The following UTRN variants were observed in gnomAD, a reference collection of about 807,000 sequenced individuals.
UTRN encodes the protein utrophin.
A neutral mutation model predicts 463.9 loss-of-function variants in UTRN; 283 were observed. That is an observed-to-expected ratio of 0.61 (90% confidence interval 0.55 to 0.67). The LOEUF (loss-of-function observed/expected upper bound fraction) is 0.67. Ranked by LOEUF, UTRN falls within the 30% of genes least tolerant of loss-of-function variation. The pLI, the probability that UTRN is intolerant of heterozygous loss-of-function variation, is 0.00. For missense variants in UTRN, 3,922 were observed against 4,084.3 expected, an observed-to-expected ratio of 0.96 and a Z score of 1.08; for synonymous variants, 1,442 against 1,431.5, an observed-to-expected ratio of 1.01 and a Z score of -0.17.
At position 144,748,511 on chromosome 6, in the gene UTRN, C is replaced by A; in HGVS notation, c.8205C>A (p.Ile2735=). 6.2e-7 allele frequency: 1 copy of A among 1,611,326 alleles called. No individual in the cohort carries two copies. The highest frequency in any genetic ancestry group is 8.5e-7 in the Non-Finnish European group (1 of 1,179,102). Residue 2735 remains isoleucine (I), a synonymous_variant, in exon 55 of 75, where the codon ATC becomes ATA. Coordinates refer to ENST00000367545, the MANE Select transcript of UTRN (RefSeq NM_007124.3). ...IDSLQDHIEK[I]MAFREEIAPI... ...CGCTGCAGGATCACATTGAAAAAAT[C>A]ATGGTCAGCATCATTGTCTTTGAAG...
chr6:144,620,299 G>A (rs1485255575), intron 51 of UTRN, among the ~76,000 whole-genome samples: 1 of 152,010 alleles, frequency 6.6e-6, no homozygotes, highest in East Asian at 1.9e-4. Context: ...GCTCCAGAGC[G>A]GGTTCCTTTA....
At chr6:144,804,164 CAGAA>C (rs1286071467) in intron 65 of UTRN, among the ~76,000 whole-genome samples, 2 of 152,048 alleles carry the variant, frequency 1.3e-5, no homozygotes, top group African/African-American at 4.8e-5. Context: ...CATAAATTGA[CAGAA>C]AGGCTGTAAT....
At chr6:144,364,360 CCT>C (rs1026756099) in intron 2 of UTRN, among the ~76,000 whole-genome samples, 15 of 152,058 alleles carry the variant, frequency 9.9e-5, no homozygotes, top group African/African-American at 3.4e-4. Flanking sequence ...TATGTTTCCC[CCT>C]GAGAGGTAAA....
chr6:144,515,076 G>GT (rs560288750), intron 37 of UTRN, among the ~76,000 whole-genome samples: 16 of 151,834 alleles, frequency 1.1e-4, no homozygotes, highest in African/African-American at 2.4e-4. Context: ...TAATTTTTGT[G>GT]TTTTTTTTAG....
chr6:144,459,056 T>C, intron 20 of UTRN, 45 bp downstream of exon 20: 1 of 1,571,122 alleles, frequency 6.4e-7, no homozygotes, highest in Non-Finnish European at 8.6e-7. Context: ...CTATGTGCAG[T>C]TCCAGAGTTA....
intron 3 of UTRN, among the ~76,000 whole-genome samples, chr6:144,417,805 T>G (rs1269311312): frequency 6.6e-6 from 1 of 152,194 alleles, no homozygotes; most frequent in Non-Finnish European, 1.5e-5. Flanking sequence ...TAGTTAATTG[T>G]TTTTGAATGA....
At chr6:144,829,636 T>G (rs1780488860) in intron 69 of UTRN, among the ~76,000 whole-genome samples, 2 of 151,904 alleles carry the variant, frequency 1.3e-5, no homozygotes, top group Non-Finnish European at 2.9e-5. Flanking sequence ...AAAGCTCTAT[T>G]GTGGTTTGGA....
intron 46 of UTRN, among the ~76,000 whole-genome samples, chr6:144,543,706 T>G (rs929463200): frequency 1.3e-5 from 2 of 152,138 alleles, no homozygotes; most frequent in African/African-American, 2.4e-5. Context: ...CTCTTTTTTT[T>G]GGGAGGGTTC....
intron 52 of UTRN, among the ~76,000 whole-genome samples, chr6:144,684,086 G>A (rs1315237556): frequency 3.0e-5 from 4 of 135,254 alleles, no homozygotes; most frequent in Non-Finnish European, 6.2e-5. Context: ...GTCTTGCTCT[G>A]TCGCCCAGGC....
intron 51 of UTRN, among the ~76,000 whole-genome samples, chr6:144,611,292 T>C (rs1261307328): frequency 2.0e-5 from 3 of 152,198 alleles, no homozygotes; most frequent in Admixed American, 1.3e-4. Flanking sequence ...AAGCTTTTCC[T>C]CTAAGATCAG....
chr6:144,387,429 A>G lies in UTRN; in HGVS notation c.80-15694A>G, dbSNP rs193033462. On this transcript the variant is annotated intron_variant, in intron 2 of 74. Transcript: ENST00000367545. ...GCTGAGATTACAGGCATGAGCCACCATGCCCGGCCTTCTTCCCATTTTAAT... is the reference window on the plus strand; with the variant it reads ...GCTGAGATTACAGGCATGAGCCACCGTGCCCGGCCTTCTTCCCATTTTAAT... Among the ~76,000 whole-genome samples, 511 of 152,282 alleles carry G rather than the reference A, an allele frequency of 3.4e-3. 3 individuals are homozygous for G. The highest frequency in any genetic ancestry group is 0.014 in the Middle Eastern group (4 of 294).
chr6:144,603,553 G>A (rs1461892908), intron 51 of UTRN, among the ~76,000 whole-genome samples: 1 of 151,986 alleles, frequency 6.6e-6, no homozygotes, highest in African/African-American at 2.4e-5. Context: ...GGTGGTATAC[G>A]TGTGTTTGAT....
chr6:144,443,725 G>A (rs1455191430), intron 13 of UTRN, among the ~76,000 whole-genome samples: 2 of 151,732 alleles, frequency 1.3e-5, no homozygotes, highest in Admixed American at 6.6e-5. Flanking sequence ...TTTTTTTATG[G>A]ATCACATAAT....
intron 2 of UTRN, among the ~76,000 whole-genome samples, chr6:144,321,463 T>A (rs1346044896): frequency 9.5e-6 from 1 of 104,948 alleles, no homozygotes; most frequent in Non-Finnish European, 1.7e-5. Context: ...TGCCATATCT[T>A]TTTTTTTTTT....
intron 39 of UTRN, among the ~76,000 whole-genome samples, chr6:144,519,072 C>T (rs1162676945): frequency 7.2e-5 from 11 of 152,100 alleles, no homozygotes; most frequent in Non-Finnish European, 8.8e-5. Flanking sequence ...GACTCATTGT[C>T]TTACCTGAAA....
intron 65 of UTRN, among the ~76,000 whole-genome samples, chr6:144,816,945 A>G (rs1182987815): frequency 6.6e-6 from 1 of 152,108 alleles, no homozygotes; most frequent in Non-Finnish European, 1.5e-5. Flanking sequence ...TAATCAGTAC[A>G]TTATTTAAAA....
chr6:144,506,378 T>C (rs1794692663), intron 34 of UTRN, among the ~76,000 whole-genome samples: 1 of 152,234 alleles, frequency 6.6e-6, no homozygotes, highest in Non-Finnish European at 1.5e-5. Flanking sequence ...TATTTTGGTA[T>C]GTTTTTGCAG....
intron 51 of UTRN, among the ~76,000 whole-genome samples, chr6:144,593,233 A>G (rs1803297356): frequency 6.6e-6 from 1 of 152,224 alleles, no homozygotes; most frequent in Admixed American, 6.5e-5. Flanking sequence ...AGAATGAAGC[A>G]ATGAAAGCAC....
At chr6:144,513,580 C>A (rs1285421917) in intron 35 of UTRN, among the ~76,000 whole-genome samples, 1 of 151,948 alleles carries the variant, frequency 6.6e-6, no homozygotes, top group Non-Finnish European at 1.5e-5. Flanking sequence ...TTGAAGAGGG[C>A]AAATCAGATC....
Sources: allele counts gnomAD v4.1 joint callset (sites outside exome capture counted in the v4.1 genomes callset), GRCh38; gene constraint gnomAD v4.1.1; transcripts MANE v1.5; gene names NCBI Gene and HGNC (gene_info 2026-07-23, HGNC 2026-07-21).